The following BACH2 variants were observed in gnomAD, a reference collection of about 807,000 sequenced individuals.
BACH2 encodes the protein transcription regulator protein BACH2.
Under a neutral mutation model 61.8 loss-of-function variants are expected in BACH2, and 5 were observed. That is an observed-to-expected ratio of 0.08 (90% CI 0.04 to 0.17). The LOEUF (loss-of-function observed/expected upper bound fraction) is 0.17, where lower values mean the gene tolerates loss of function less well. BACH2 is among the 10% of genes least tolerant of loss of function. BACH2 has a pLI of 1.00. For synonymous variants in BACH2, 446 were observed against 440.1 expected, an observed-to-expected ratio of 1.01 and a Z score of -0.17; for missense variants, 824 against 1,091.1, an observed-to-expected ratio of 0.76 and a Z score of 3.45.
At chr6:90,217,926 T>C (rs1769594452) in intron 3 of BACH2, 1 of 152,194 alleles carries the variant, frequency 6.6e-6, no homozygotes, top group Non-Finnish European at 1.5e-5. Context: ...TTGAAGTCAT[T>C]GCTCAATCCT....
intron 6 of BACH2, among the ~76,000 whole-genome samples, chr6:90,001,730 C>T (rs967469917): frequency 1.3e-5 from 2 of 152,104 alleles, no homozygotes; most frequent in African/African-American, 2.4e-5. Context: ...AGAGTCCTCA[C>T]CTCACATTTC....
intron 4 of BACH2, among the ~76,000 whole-genome samples, chr6:90,093,788 C>T (rs1562439337): frequency 1.3e-5 from 2 of 152,180 alleles, no homozygotes; most frequent in Admixed American, 6.5e-5. Flanking sequence ...ATGGACACTT[C>T]CTGCCTTGTG....
intron 1 of BACH2, among the ~76,000 whole-genome samples, chr6:90,291,423 C>T (rs1276883078): frequency 6.6e-6 from 1 of 151,528 alleles, no homozygotes; most frequent in Non-Finnish European, 1.5e-5. Context: ...ATTCGCAGGA[C>T]ATTTCCAGCC....
Position 90,008,978 on chromosome 6 carries a change from G to C in BACH2, c.-12-122C>G. On this transcript the variant is annotated intron_variant, in intron 5 of 8. Transcript: ENST00000257749. The surrounding 1 kb of genome is among the most constrained non-coding windows in gnomAD (Gnocchi z 4.1). Reference sequence around the variant, plus strand: ...CCTGTGTCCCACTGCCATGAGCATGGCAGGAAGGAGGGGAATTACCAATCA... The same window carrying C: ...CCTGTGTCCCACTGCCATGAGCATGCCAGGAAGGAGGGGAATTACCAATCA... 1 of 1,189,510 alleles carries C rather than the reference G, an allele frequency of 8.4e-7. No individual in the cohort carries two copies. The highest frequency in any genetic ancestry group is 1.2e-6 in the Non-Finnish European group (1 of 865,460). The allele number at this position is 1,189,510 out of a possible 1,614,324, so 73.7% of individuals were successfully genotyped here.
At chr6:89,962,375 A>C (rs139320524) in intron 6 of BACH2, among the ~76,000 whole-genome samples, 57 of 152,234 alleles carry the variant, frequency 3.7e-4, no homozygotes, top group African/African-American at 1.3e-3. Flanking sequence ...CATCCTCAGT[A>C]CTACACAGTC....
intron 5 of BACH2, among the ~76,000 whole-genome samples, chr6:90,027,712 G>T (rs1164378094): frequency 6.6e-6 from 1 of 152,152 alleles, no homozygotes; most frequent in Non-Finnish European, 1.5e-5. Context: ...CTTCCTAGCT[G>T]CATGGCTTTG....
At chr6:90,264,750 G>T (rs1001144988) in intron 2 of BACH2, among the ~76,000 whole-genome samples, 3 of 152,126 alleles carry the variant, frequency 2.0e-5, no homozygotes, top group Admixed American at 1.3e-4. Flanking sequence ...TCCCTTTGGG[G>T]TTTCCTCGTC....
At chr6:90,029,212 C>G (rs1778812205) in intron 5 of BACH2, among the ~76,000 whole-genome samples, 1 of 152,130 alleles carries the variant, frequency 6.6e-6, no homozygotes, top group Non-Finnish European at 1.5e-5. Context: ...CATTTTAACC[C>G]CATGACAGCT....
intron 1 of BACH2, among the ~76,000 whole-genome samples, chr6:90,284,521 C>CAGTAAT (rs1771959879): frequency 6.6e-6 from 1 of 152,168 alleles, no homozygotes; most frequent in Non-Finnish European, 1.5e-5. Context: ...CAGTATTTTC[C>CAGTAAT]TTTCTGCATT....
At chr6:90,037,580 C>A (rs987931738) in intron 5 of BACH2, among the ~76,000 whole-genome samples, 2 of 152,194 alleles carry the variant, frequency 1.3e-5, no homozygotes, top group Admixed American at 1.3e-4. Flanking sequence ...AAGAGCTCAA[C>A]AGCACGCTTC....
intron 4 of BACH2, among the ~76,000 whole-genome samples, chr6:90,177,370 C>T (rs1562488820): frequency 6.6e-6 from 1 of 152,156 alleles, no homozygotes; most frequent in Non-Finnish European, 1.5e-5. Context: ...TGAGCACCTA[C>T]CGTACAGCAG....
chr6:90,248,847 T>C (rs1195717768), intron 3 of BACH2, among the ~76,000 whole-genome samples: 1 of 152,156 alleles, frequency 6.6e-6, no homozygotes, highest in Non-Finnish European at 1.5e-5. Flanking sequence ...ATAAATGAAC[T>C]GGCTGCTTCA....
intron 4 of BACH2, among the ~76,000 whole-genome samples, chr6:90,100,724 C>CAG (rs1255097929): frequency 7.6e-4 from 44 of 57,544 alleles, no homozygotes; most frequent in African/African-American, 3.1e-3. Context: ...CACACACACA[C>CAG]ACAGACACAC....
intron 4 of BACH2, among the ~76,000 whole-genome samples, chr6:90,129,501 GTTTC>G (rs964052170): frequency 8.6e-5 from 13 of 151,752 alleles, no homozygotes; most frequent in Non-Finnish European, 1.9e-4. Context: ...TGTCCATGTG[GTTTC>G]TTTCTTTTTT....
At chr6:90,039,538 C>T (rs545296716) in intron 5 of BACH2, among the ~76,000 whole-genome samples, 1 of 152,264 alleles carries the variant, frequency 6.6e-6, no homozygotes, top group Admixed American at 6.5e-5. Flanking sequence ...GTGCGTGCTA[C>T]CACGGCCGGC....
chr6:90,058,351 C>A (rs1195779126), intron 5 of BACH2, among the ~76,000 whole-genome samples: 1 of 152,170 alleles, frequency 6.6e-6, no homozygotes, highest in East Asian at 1.9e-4. Context: ...AGAGCCAAAT[C>A]ATGAGTGAAC....
intron 1 of BACH2, among the ~76,000 whole-genome samples, chr6:90,295,876 T>A: frequency 6.6e-6 from 1 of 152,196 alleles, no homozygotes; most frequent in Middle Eastern, 3.4e-3. Flanking sequence ...ACTTGGGCTT[T>A]GATTCCCCGC....
In BACH2 at chr6:89,951,860, G is replaced by T; in HGVS notation, c.246C>A (p.Val82=). The T allele has an allele frequency of 6.2e-7, 1 of 1,607,620 alleles. No individual in the cohort carries two copies. The highest frequency in any genetic ancestry group is 1.1e-5 in the South Asian group (1 of 90,844). ...ACAGCGGCCCAAAGCCCCTGGCTGT[G>T]ACCTGCAAAACAAACAGGGAAATCG... ...NDLVVSLPEE[V]TARGFGPLLQ... is the part of the protein sequence containing the mutation. Residue 82 remains valine, a splice_region_variant and synonymous_variant, in exon 7 of 9, where the codon GTC becomes GTA. Transcript: ENST00000257749. This position sits in a 1 kb window ranked among gnomAD's most constrained non-coding sequence, Gnocchi z 6.4.
At chr6:90,101,744 G>C (rs1782635632) in intron 4 of BACH2, among the ~76,000 whole-genome samples, 2 of 152,154 alleles carry the variant, frequency 1.3e-5, no homozygotes, top group South Asian at 4.1e-4. Flanking sequence ...GACTATATAG[G>C]TTTGGATAGT....
Sources: allele counts gnomAD v4.1 joint callset (sites outside exome capture counted in the v4.1 genomes callset), GRCh38; gene constraint gnomAD v4.1.1; non-coding constraint Gnocchi (gnomAD v3.1); transcripts MANE v1.5; gene names NCBI Gene and HGNC (gene_info 2026-07-23, HGNC 2026-07-21).